ATP2B2: variants seen among roughly 807,000 people sequenced by gnomAD.
The protein encoded by ATP2B2 is plasma membrane calcium-transporting ATPase 2.
A neutral mutation model predicts 120.0 loss-of-function variants in ATP2B2; 15 were observed. The observed-to-expected ratio is 0.12, with a 90% CI of 0.08 to 0.19. The LOEUF is 0.19. ATP2B2 is among the 10% of genes least tolerant of loss of function. The pLI is 1.00. For synonymous variants in ATP2B2, 694 were observed against 700.3 expected (o/e 0.99, Z 0.14); for missense variants, 1,045 against 1,719.8 (o/e 0.61, Z 6.94).
chr3:10,600,484 T>G (rs554312125), intron 2 of ATP2B2, among the ~76,000 whole-genome samples: 1 of 152,190 alleles, frequency 6.6e-6, no homozygotes, highest in African/African-American at 2.4e-5. Context: ...CCCTAGCAGC[T>G]GCATATTTAA....
chr3:10,402,125 C>T lies in ATP2B2; in HGVS notation c.621G>A (p.Glu207=). The change falls in exon 4 of 23, where the codon GAG becomes GAA. Residue 207 remains glutamate, a synonymous_variant. Coordinates refer to ENST00000360273, the MANE Select transcript of ATP2B2 (RefSeq NM_001001331.4). The surrounding 1 kb of genome is among the most constrained non-coding windows in gnomAD (Gnocchi z 4.9). ...CCTGGGCTATGTCCCCAACCACGAT[C>T]TCAGCCACAGGGATCTGGACCACCT... is the stretch of plus-strand genomic sequence containing the variant. The part of the protein sequence containing the change: ...AGQVVQIPVA[E]IVVGDIAQVK... The T allele has an allele frequency of 6.2e-7, 1 of 1,614,172 alleles. No individual in the cohort carries two copies. Among genetic ancestry groups the T allele is most frequent in the East Asian group, 2.2e-5 (1 of 44,878 alleles).
intron 1 of ATP2B2, among the ~76,000 whole-genome samples, chr3:10,641,429 C>T (rs4577449): frequency 6.6e-6 from 1 of 151,948 alleles, no homozygotes; most frequent in Non-Finnish European, 1.5e-5. Flanking sequence ...AGGGTGGCCC[C>T]GTATATGAGG....
At chr3:10,626,906 ACACACACACACT>A (rs1158531341) in intron 1 of ATP2B2, 2 of 117,076 alleles carry the variant, frequency 1.7e-5, no homozygotes, top group African/African-American at 6.5e-5. Context: ...ACACACACAC[ACACACACACACT>A]TTTCATTTAC....
intron 9 of ATP2B2, 87 bp from the exon 10 acceptor site, chr3:10,378,497 C>T: frequency 1.3e-6 from 2 of 1,552,800 alleles, no homozygotes; most frequent in Non-Finnish European, 1.8e-6. Context: ...CGCTGGCACC[C>T]ACCCCTGCCT....
At chr3:10,558,202 C>G (rs900358953) in intron 2 of ATP2B2, among the ~76,000 whole-genome samples, 2 of 152,222 alleles carry the variant, frequency 1.3e-5, no homozygotes, top group Admixed American at 1.3e-4. Flanking sequence ...CACCCGCACT[C>G]TCAGACTGTG....
chr3:10,420,778 G>A (rs2062951172), intron 2 of ATP2B2, among the ~76,000 whole-genome samples: 2 of 152,246 alleles, frequency 1.3e-5, no homozygotes, highest in South Asian at 4.1e-4. Flanking sequence ...AATATTAGCT[G>A]CTATTGTTGT....
At position 10,557,853 on chromosome 3, in the gene ATP2B2, A is replaced by G. The variant is rs920454692; in HGVS notation, c.-414-23720T>C. ...GCTAAGAACAGGAAGGTGAGTCATC[A>G]TGGTGGCAAGGACCAAGCTTATAGG... On this transcript the variant is annotated intron_variant, in intron 2 of 21. Transcript: ENST00000646379. 4.6e-5 allele frequency among the ~76,000 whole-genome samples: 7 copies of G among 152,288 alleles called. No homozygotes were observed. The East Asian group carries it at 5.8e-4, about 13-fold the overall frequency.
intron 2 of ATP2B2, among the ~76,000 whole-genome samples, chr3:10,586,806 G>A (rs984073291): frequency 1.1e-4 from 16 of 152,124 alleles, no homozygotes; most frequent in African/African-American, 3.9e-4. Flanking sequence ...AGAAGGTGGT[G>A]CACATTTTGC....
At chr3:10,521,453 T>G (rs1365893328) in intron 3 of ATP2B2, among the ~76,000 whole-genome samples, 2 of 152,240 alleles carry the variant, frequency 1.3e-5, no homozygotes, top group African/African-American at 4.8e-5. Context: ...CAGTGGATAA[T>G]GTCGGTGATT....
In ATP2B2 at chr3:10,378,388, G is replaced by A. The variant is rs1197665329; in HGVS notation, c.1065C>T (p.Ala355=). 7 of 1,602,966 alleles carry A rather than the reference G, an allele frequency of 4.4e-6. No individual in the cohort carries two copies. The highest frequency in any genetic ancestry group is 1.6e-4 in the Middle Eastern group (1 of 6,080). The change falls in exon 10 of 23, where the codon GCC becomes GCT. Residue 355 remains alanine, a synonymous_variant. Transcript: ENST00000360273. ...QSKAKQQDGA[A]AMEMQPLKSA... ...TCTTGAGGGGCTGCATCTCCATGGC[G>A]GCTGCCCCGTCCTGTTGTTTGGCTG...
At chr3:10,701,938 C>T (rs78463894) in intron 1 of ATP2B2, among the ~76,000 whole-genome samples, 4,234 of 152,168 alleles carry the variant, frequency 0.028, 186 homozygotes, top group African/African-American at 0.094. Context: ...ATAGTGACAA[C>T]TGGACAACAG....
chr3:10,386,656 G>A lies in ATP2B2; in HGVS notation c.908-144C>T, dbSNP rs142210604. On this transcript the variant is annotated intron_variant, in intron 6 of 22. Transcript: ENST00000360273. ...TCATCCTGAAATGGGGACATGTGGC[G>A]GGCTCTAAGCAATGTTCCTAGTGGA... 2.6e-3 allele frequency: 2,477 copies of A among 942,144 alleles called. 51 individuals carry two copies. In the African/African-American group the frequency reaches 0.035, roughly 13 times the overall value. The allele number at this position is 942,144 out of a possible 1,614,324, so 58.4% of individuals were successfully genotyped here.
chr3:10,661,599 A>G (rs1327175088), intron 1 of ATP2B2, among the ~76,000 whole-genome samples: 1 of 152,272 alleles, frequency 6.6e-6, no homozygotes, highest in Non-Finnish European at 1.5e-5. Flanking sequence ...GAAATAAAAG[A>G]GGACACAAAC....
intron 1 of ATP2B2, among the ~76,000 whole-genome samples, chr3:10,680,240 C>T (rs2071349832): frequency 6.6e-6 from 1 of 152,164 alleles, no homozygotes; most frequent in Non-Finnish European, 1.5e-5. Context: ...TCAGGGTCTC[C>T]ACTTTGCCAT....
intron 1 of ATP2B2, among the ~76,000 whole-genome samples, chr3:10,699,968 T>G (rs538564772): frequency 2.0e-5 from 3 of 152,260 alleles, no homozygotes; most frequent in Non-Finnish European, 2.9e-5. Flanking sequence ...ATAACCCGGT[T>G]TCAAGTGGTC....
chr3:10,497,046 G>A (rs2066181132), intron 1 of ATP2B2, among the ~76,000 whole-genome samples: 1 of 152,260 alleles, frequency 6.6e-6, no homozygotes, highest in Non-Finnish European at 1.5e-5. Flanking sequence ...ATGGTTGGCA[G>A]GCTCTGCTGA....
At chr3:10,662,805 C>A (rs142944281) in intron 1 of ATP2B2, among the ~76,000 whole-genome samples, 2 of 151,842 alleles carry the variant, frequency 1.3e-5, no homozygotes, top group Admixed American at 1.3e-4. Context: ...ATGTTTATTG[C>A]GGCACTATTC....
intron 2 of ATP2B2, among the ~76,000 whole-genome samples, chr3:10,534,569 C>T (rs952674665): frequency 7.2e-5 from 11 of 152,208 alleles, no homozygotes; most frequent in South Asian, 4.1e-4. Context: ...CCACCGTTGT[C>T]CCCATTTTAC....
intron 1 of ATP2B2, among the ~76,000 whole-genome samples, chr3:10,700,401 T>C (rs925545331): frequency 6.6e-6 from 1 of 152,124 alleles, no homozygotes; most frequent in African/African-American, 2.4e-5. Context: ...AGGCAGAGCA[T>C]GAGTAAAGGC....
Sources: allele counts gnomAD v4.1 joint callset (sites outside exome capture counted in the v4.1 genomes callset), GRCh38; gene constraint gnomAD v4.1.1; non-coding constraint Gnocchi (gnomAD v3.1); transcripts MANE v1.5; gene names NCBI Gene and HGNC (gene_info 2026-07-23, HGNC 2026-07-21).